The following KLHL26 variants were observed in gnomAD, a reference collection of about 807,000 sequenced individuals.
KLHL26 encodes kelch like family member 26.
In KLHL26, 4 loss-of-function variants were observed where a neutral mutation model predicts 7.1. That is an observed-to-expected ratio of 0.56 (90% CI 0.28 to 1.28). The LOEUF is 1.28. Ranked by LOEUF, KLHL26 falls within the 50% of genes most tolerant of loss-of-function variation. The probability of loss-of-function intolerance (pLI) is 0.11; values close to 1 mark genes in which losing one functional copy is unlikely to be tolerated. For missense variants in KLHL26, 896 were observed against 924.6 expected (o/e 0.97, Z 0.40); for synonymous variants, 465 against 414.1 (o/e 1.12, Z -1.49).
intron 1 of KLHL26, among the ~76,000 whole-genome samples, chr19:18,660,851 A>C (rs1422743989): frequency 6.6e-6 from 1 of 152,186 alleles, no homozygotes; most frequent in Non-Finnish European, 1.5e-5. Context: ...GGAACGCGTC[A>C]GGCATCACCA....
Position 18,637,687 on chromosome 19 carries a change from T to C in KLHL26, c.83+550T>C, listed in dbSNP as rs1402194744. 2.7e-4 allele frequency among the ~76,000 whole-genome samples: 3 copies of C among 10,974 alleles called. No homozygotes were observed. The East Asian group carries it at 8.0e-3, about 29-fold the overall frequency. 7.2% of individuals were successfully genotyped at this position (10,974 alleles called of 152,430 possible). Reference sequence around the variant, plus strand: ...CTTAGGTGAATCTGGGAGTCTGAGATGGGGAGGCTGAGGGGGCCTGGGGTG... The same window carrying C: ...CTTAGGTGAATCTGGGAGTCTGAGACGGGGAGGCTGAGGGGGCCTGGGGTG... On this transcript the variant is annotated intron_variant, in intron 1 of 2. Transcript: ENST00000300976.
Position 18,669,040 on chromosome 19 carries a change from G to A in KLHL26, c.1643G>A (p.Gly548Asp). The A allele has an allele frequency of 6.2e-7, 1 of 1,612,810 alleles. No individual in the cohort carries two copies. Among genetic ancestry groups the A allele is most frequent in the Non-Finnish European group, 8.5e-7 (1 of 1,179,936 alleles). The change falls in exon 3 of 3, where the codon GGC becomes GAC. Residue 548 changes from glycine to aspartate, a missense_variant. Coordinates refer to ENST00000300976, the MANE Select transcript of KLHL26 (RefSeq NM_018316.3). ...QWTSVSPMRA[G>D]QSEAGCCLLE... ...ACCAGCGTGAGCCCCATGCGGGCCG[G>A]CCAGTCAGAGGCCGGCTGCTGCCTG...
At position 18,650,737 on chromosome 19, in the gene KLHL26, C is replaced by T. The variant is rs772377519; in HGVS notation, c.84-13524C>T. Among the ~76,000 whole-genome samples, 6 of 152,218 alleles carry T rather than the reference C, an allele frequency of 3.9e-5. No homozygotes were observed. Among genetic ancestry groups the T allele is most frequent in the Admixed American group, 6.5e-5 (1 of 15,278 alleles). ...TTAGCATTTAGAGTTGCTGAACTTT[C>T]GCATTGGTCAGGGGCGCGGGCAGCT... is the stretch of plus-strand genomic sequence containing the variant. On this transcript the variant is annotated intron_variant, in intron 1 of 2. Transcript: ENST00000300976. This position sits in a 1 kb window ranked among gnomAD's most constrained non-coding sequence, Gnocchi z 4.2.
intron 1 of KLHL26, among the ~76,000 whole-genome samples, chr19:18,639,468 A>C (rs1600679121): frequency 8.4e-6 from 1 of 118,708 alleles, no homozygotes; most frequent in Non-Finnish European, 1.6e-5. Context: ...GGAGTGCAGT[A>C]GTGTGATCTC....
At chr19:18,654,186 C>CCCAT (rs1465652363) in intron 1 of KLHL26, among the ~76,000 whole-genome samples, 1 of 122,964 alleles carries the variant, frequency 8.1e-6, no homozygotes, top group Non-Finnish European at 1.7e-5. Flanking sequence ...TACCCACCCA[C>CCCAT]CCATCCATCT....
rs1013285301 is a variant in KLHL26, at chr19:18,668,367, C to T, written c.970C>T (p.Arg324Cys). 7.5e-6 allele frequency: 12 copies of T among 1,607,620 alleles called. No individual in the cohort carries two copies. The highest frequency in any genetic ancestry group is 2.2e-5 in the East Asian group (1 of 44,808). Residue 324 changes from arginine (R) to cysteine (C), a missense_variant, in exon 3 of 3, where the codon CGC (arginine) becomes TGC (cysteine). Physicochemically the swap from Arg to Cys is radical, Grantham distance 180. Coordinates refer to ENST00000300976, the MANE Select transcript of KLHL26 (RefSeq NM_018316.3). ...FGGTPYTDSD[R>C]SVSSKVYQLP... ...CGGCACGCCCTACACCGACAGCGAC[C>T]GCTCGGTCAGCAGCAAGGTCTACCA...
rs1265372879 is a variant in KLHL26 at position 18,650,282 on chromosome 19, C to G, written c.83+13145C>G. ...TGCCTAAGGAGGCAGAGCAGAGAGG[C>G]ATGTGATCACCCAGATCGTCTGAGA... is the stretch of plus-strand genomic sequence containing the variant. On this transcript the variant is annotated intron_variant, in intron 1 of 2. Transcript: ENST00000300976. The surrounding 1 kb of genome is among the most constrained non-coding windows in gnomAD (Gnocchi z 4.2). Among the ~76,000 whole-genome samples the G allele has an allele frequency of 6.6e-6, 1 of 152,196 alleles. No homozygotes were observed. The highest frequency in any genetic ancestry group is 2.4e-5 in the African/African-American group (1 of 41,454).
At chr19:18,667,620 C>T (rs1486701845) in intron 2 of KLHL26, 44 bp from the exon 3 acceptor site, 3 of 1,573,422 alleles carry the variant, frequency 1.9e-6, no homozygotes, top group Admixed American at 3.5e-5. Context: ...GGCCAAAACA[C>T]CCCTCAGCCA....
chr19:18,638,094 AC>A (rs908724977), intron 1 of KLHL26, among the ~76,000 whole-genome samples: 7 of 152,204 alleles, frequency 4.6e-5, no homozygotes, highest in Admixed American at 1.3e-4. Flanking sequence ...AGACCCTCCC[AC>A]CCCAGCTCCT....
Position 18,669,934 on chromosome 19 carries a change from C to T in KLHL26, c.*689C>T, listed in dbSNP as rs1004365893. On this transcript the variant is annotated 3_prime_UTR_variant, in exon 3 of 3. Transcript: ENST00000300976. ...AAAACCATATCAACTCCTAGAAACG[C>T]TCCTTAGGGGCTTGGGACCTTCCAT... 2 of 152,304 alleles carry T rather than the reference C, an allele frequency of 1.3e-5. No individual in the cohort carries two copies. The highest frequency in any genetic ancestry group is 4.8e-5 in the African/African-American group (2 of 41,448). The allele number at this position is 152,304 out of a possible 1,614,324, so 9.4% of individuals were successfully genotyped here.
In KLHL26 at chr19:18,667,750, T is replaced by A; in HGVS notation, c.353T>A (p.Ile118Asn). The part of the protein sequence containing the change: ...GVSARGLRHI[I>N]DFAYSAEVTL... Reference sequence around the variant, plus strand: ...TCGGCCCGTGGCCTGCGGCACATCATCGACTTCGCCTACAGCGCCGAGGTG... The same window carrying A: ...TCGGCCCGTGGCCTGCGGCACATCAACGACTTCGCCTACAGCGCCGAGGTG... The change falls in exon 3 of 3, where the codon ATC becomes AAC. Residue 118 changes from isoleucine to asparagine, a missense_variant. Physicochemically the swap from Ile to Asn is moderately radical, Grantham distance 149. Transcript: ENST00000300976. The A allele has an allele frequency of 6.2e-7, 1 of 1,613,278 alleles. No individual in the cohort carries two copies. Among genetic ancestry groups the A allele is most frequent in the Non-Finnish European group, 8.5e-7 (1 of 1,179,994 alleles).
At chr19:18,647,094 T>A (rs1387294276) in intron 1 of KLHL26, among the ~76,000 whole-genome samples, 1 of 152,190 alleles carries the variant, frequency 6.6e-6, no homozygotes. Context: ...CTGAGCCCCT[T>A]CTCTGGGAAG....
intron 1 of KLHL26, among the ~76,000 whole-genome samples, chr19:18,655,267 G>A (rs2052318120): frequency 6.6e-6 from 1 of 152,180 alleles, no homozygotes; most frequent in African/African-American, 2.4e-5. Flanking sequence ...TGCTCTTCCT[G>A]CTGTTCAGCT....
chr19:18,668,303 C>G lies in KLHL26; in HGVS notation c.906C>G (p.Thr302=). ...AGCACGAGATGCAGTCTCCGCGCAC[C>G]GCCGTGCGCTCGGATGTGCCCTCGC... ...FRQHEMQSPR[T]AVRSDVPSLV... Residue 302 remains threonine (T), a synonymous_variant, in exon 3 of 3, where the codon ACC becomes ACG. Transcript: ENST00000300976. The G allele has an allele frequency of 1.9e-6, 3 of 1,611,458 alleles. No individual in the cohort carries two copies. The highest frequency in any genetic ancestry group is 1.7e-6 in the Non-Finnish European group (2 of 1,179,794).
At chr19:18,664,216 T>C (rs1219387772) in intron 1 of KLHL26, 45 bp from the exon 2 acceptor site, 1 of 1,519,778 alleles carries the variant, frequency 6.6e-7, no homozygotes, top group South Asian at 1.2e-5. Context: ...TAATAGTGTG[T>C]GTGTGAACCT....
At chr19:18,639,805 A>G (rs952079030) in intron 1 of KLHL26, among the ~76,000 whole-genome samples, 1 of 151,992 alleles carries the variant, frequency 6.6e-6, no homozygotes, top group African/African-American at 2.4e-5. Context: ...AGTTCCCCCA[A>G]GCTCGTCTGC....
intron 1 of KLHL26, among the ~76,000 whole-genome samples, chr19:18,638,850 A>G (rs566614036): frequency 5.1e-4 from 77 of 149,902 alleles, no homozygotes; most frequent in African/African-American, 1.8e-3. Context: ...ACAGGTGTGC[A>G]CCACCACACT....
chr19:18,662,541 C>T (rs1045431889), intron 1 of KLHL26, among the ~76,000 whole-genome samples: 2 of 152,220 alleles, frequency 1.3e-5, no homozygotes, highest in Non-Finnish European at 2.9e-5. Flanking sequence ...AAACTGGGGA[C>T]AAGGAGAGAC....
At chr19:18,665,493 G>A (rs2052438837) in intron 2 of KLHL26, among the ~76,000 whole-genome samples, 1 of 152,250 alleles carries the variant, frequency 6.6e-6, no homozygotes, top group African/African-American at 2.4e-5. Context: ...GGACAGCTGG[G>A]GGACTGGAGG....
Sources: allele counts gnomAD v4.1 joint callset (sites outside exome capture counted in the v4.1 genomes callset), GRCh38; gene constraint gnomAD v4.1.1; non-coding constraint Gnocchi (gnomAD v3.1); transcripts MANE v1.5; gene names NCBI Gene and HGNC (gene_info 2026-07-23, HGNC 2026-07-21).